The following DST variants were observed in gnomAD, a reference collection of about 807,000 sequenced individuals.
DST encodes dystonin.
DST carries 253 observed loss-of-function variants against 875.2 expected under a neutral mutation model. The observed-to-expected ratio is 0.29, with a 90% CI of 0.26 to 0.32. The LOEUF (loss-of-function observed/expected upper bound fraction) is 0.32. Ranked by LOEUF, DST falls within the 10% of genes least tolerant of loss-of-function variation. The probability of loss-of-function intolerance (pLI) is 1.00; values close to 1 mark genes in which losing one functional copy is unlikely to be tolerated. For synonymous variants in DST, 3,124 were observed against 3,197.1 expected, an observed-to-expected ratio of 0.98 and a Z score of 0.77; for missense variants, 8,287 against 9,111.6, an observed-to-expected ratio of 0.91 and a Z score of 3.68.
At chr6:56,871,453 C>G in intron 3 of DST, 2 of 1,596,068 alleles carry the variant, frequency 1.3e-6, no homozygotes, top group Non-Finnish European at 1.7e-6. Flanking sequence ...AAAAAGAGTG[C>G]TGAATTTTTG....
chr6:56,555,227 ATGTTAACAG>A (rs1204305754), intron 60 of DST, 109 bp downstream of exon 60: 31 of 1,096,612 alleles, frequency 2.8e-5, no homozygotes, highest in Non-Finnish European at 3.6e-5. Flanking sequence ...CTCTTCACTG[ATGTTAACAG>A]TGGGGCAGAG....
At chr6:56,616,997 G>A (rs1409819542) in intron 36 of DST, 1 of 1,609,712 alleles carries the variant, frequency 6.2e-7, no homozygotes, top group Non-Finnish European at 8.5e-7. Context: ...GATTCTCTCG[G>A]CCGCTGAGGC....
chr6:56,583,166 G>A (rs1231039150), intron 49 of DST, among the ~76,000 whole-genome samples: 10 of 152,288 alleles, frequency 6.6e-5, no homozygotes, highest in African/African-American at 2.4e-4. Context: ...CTGAGGAATT[G>A]CCACACTGAC....
chr6:56,773,036 A>T (rs1396892093), intron 4 of DST, among the ~76,000 whole-genome samples: 1 of 152,142 alleles, frequency 6.6e-6, no homozygotes, highest in Non-Finnish European at 1.5e-5. Context: ...CAAGGAACTG[A>T]GGTGGACCAA....
At position 56,536,718 on chromosome 6, in the gene DST, C is replaced by A; in HGVS notation, c.16770+61G>T. On this transcript the variant is annotated intron_variant, in intron 62 of 103. Transcript: ENST00000680361. ...GGCTACCACAAATATGATTCATGGT[C>A]ACCACAAATGCTCATGAATAATAAT... 3 of 1,410,986 alleles carry A rather than the reference C, an allele frequency of 2.1e-6. No individual in the cohort carries two copies. The South Asian group carries it at 5.5e-5, about 26-fold the overall frequency. 87.4% of individuals were successfully genotyped at this position (1,410,986 alleles called of 1,614,324 possible).
At chr6:56,872,806 T>C (rs1232982558) in intron 3 of DST, among the ~76,000 whole-genome samples, 3 of 148,726 alleles carry the variant, frequency 2.0e-5, no homozygotes, top group Admixed American at 6.7e-5. Context: ...GTGCAGAATC[T>C]CTTCAATACA....
chr6:56,527,782 G>C, intron 67 of DST, 48 bp from the exon 68 acceptor site: 1 of 1,545,238 alleles, frequency 6.5e-7, no homozygotes, highest in Admixed American at 2.0e-5. Flanking sequence ...AAAAAAGGCA[G>C]GGAGAGGGTT....
intron 3 of DST, among the ~76,000 whole-genome samples, chr6:56,889,220 A>C (rs1311682980): frequency 6.6e-6 from 1 of 152,198 alleles, no homozygotes; most frequent in African/African-American, 2.4e-5. Flanking sequence ...ATGTACAAAT[A>C]ATTCTCACAT....
chr6:56,471,860 T>C, intron 94 of DST, 199 bp downstream of exon 94: 1 of 624,650 alleles, frequency 1.6e-6, no homozygotes, highest in South Asian at 1.9e-5. Flanking sequence ...ATTCCCTAAA[T>C]CCAAATCCCA....
intron 4 of DST, among the ~76,000 whole-genome samples, chr6:56,818,101 G>A (rs532206353): frequency 2.6e-5 from 4 of 152,270 alleles, no homozygotes; most frequent in Middle Eastern, 3.4e-3. Context: ...TGTCCAGAAG[G>A]AACACAATTT....
chr6:56,941,764 A>C (rs35961728), intron 2 of DST, among the ~76,000 whole-genome samples: 20,478 of 152,192 alleles, frequency 0.13, 1,800 homozygotes, highest in Middle Eastern at 0.23. Flanking sequence ...TATAGGCATG[A>C]GCCACCGTGC....
At chr6:56,797,704 A>G (rs1590655105) in intron 4 of DST, among the ~76,000 whole-genome samples, 1 of 152,046 alleles carries the variant, frequency 6.6e-6, no homozygotes, top group East Asian at 1.9e-4. Flanking sequence ...CTGTAATCCC[A>G]GCTACACAGG....
rs147498980 is a variant in DST at position 56,619,601 on chromosome 6, T to C, written c.4929+4929A>G. On this transcript the variant is annotated intron_variant, in intron 36 of 103. Transcript: ENST00000680361. ...TTCTCTTTGTAGTTTCCCTTTTTCA[T>C]GATTAAGAGATTCTAATTCTAACTG... is the stretch of plus-strand genomic sequence containing the variant. The C allele has an allele frequency of 3.1e-6, 5 of 1,614,038 alleles. No individual in the cohort carries two copies. Among genetic ancestry groups the C allele is most frequent in the Non-Finnish European group, 4.2e-6 (5 of 1,180,026 alleles).
chr6:56,470,805 C>CAT (rs1218046842), intron 95 of DST, among the ~76,000 whole-genome samples: 2 of 151,190 alleles, frequency 1.3e-5, no homozygotes, highest in East Asian at 3.9e-4. Context: ...CACACACACA[C>CAT]ACACACACAC....
intron 4 of DST, among the ~76,000 whole-genome samples, chr6:56,777,553 G>T (rs1207655683): frequency 1.3e-5 from 2 of 152,000 alleles, no homozygotes; most frequent in African/African-American, 4.8e-5. Flanking sequence ...AGGAAAAAGT[G>T]AGTGGTCCAA....
At chr6:56,899,595 C>T (rs1793062224) in intron 3 of DST, among the ~76,000 whole-genome samples, 1 of 152,156 alleles carries the variant, frequency 6.6e-6, no homozygotes, top group African/African-American at 2.4e-5. Flanking sequence ...CAACAGGCTC[C>T]CCACAGCATA....
chr6:56,923,614 G>A (rs1319040891), intron 2 of DST, among the ~76,000 whole-genome samples: 1 of 152,076 alleles, frequency 6.6e-6, no homozygotes, highest in Non-Finnish European at 1.5e-5. Context: ...GGAGATGCAA[G>A]TAAAGCCAAT....
intron 4 of DST, among the ~76,000 whole-genome samples, chr6:56,819,721 T>C (rs187425517): frequency 0.13 from 19,481 of 147,836 alleles, 1,555 homozygotes; most frequent in Non-Finnish European, 0.18. Flanking sequence ...ATAACATTTA[T>C]AGAGGCACTC....
intron 55 of DST, among the ~76,000 whole-genome samples, chr6:56,565,169 G>A (rs1468705993): frequency 7.1e-6 from 1 of 140,538 alleles, no homozygotes; most frequent in Non-Finnish European, 1.5e-5. Flanking sequence ...CACCCAGGCT[G>A]GAGTGCAGTG....
Sources: gnomAD v4.1 joint callset for allele counts (sites outside exome capture counted in the v4.1 genomes callset) on GRCh38, gnomAD v4.1.1 for gene constraint, MANE v1.5 for transcripts, NCBI Gene and HGNC (gene_info 2026-07-23, HGNC 2026-07-21) for gene names.